Variants in DNAH17 observed in about 807,000 individuals in gnomAD.
DNAH17 encodes axonemal beta dynein heavy chain 17.
DNAH17 carries 376 observed loss-of-function variants against 485.6 expected under a neutral mutation model. The observed-to-expected ratio is 0.77, with a 90% confidence interval of 0.71 to 0.84. The LOEUF (loss-of-function observed/expected upper bound fraction) is 0.84. DNAH17 is among the 40% of genes least tolerant of loss of function. The pLI is 0.00. For synonymous variants in DNAH17, 3,031 were observed against 2,405.9 expected, an observed-to-expected ratio of 1.26 and a Z score of -7.60; for missense variants, 6,370 against 5,839.3, an observed-to-expected ratio of 1.09 and a Z score of -2.96.
chr17:78,474,148 C>T lies in DNAH17; in HGVS notation c.8511+1130G>A, dbSNP rs531761845. Among the ~76,000 whole-genome samples the T allele has an allele frequency of 4.5e-4, 69 of 152,358 alleles. No individual in the cohort carries two copies. In the East Asian group the frequency reaches 0.013, roughly 29 times the overall value. ...TGCAGACACCTCCCACTGCTCCCAG[C>T]ATCACTGGCTCCAGGTCTGCCTGCT... On this transcript the variant is annotated intron_variant, in intron 54 of 80. Coordinates refer to ENST00000389840, the MANE Select transcript of DNAH17 (RefSeq NM_173628.4).
intron 62 of DNAH17, 128 bp from the exon 63 acceptor site, chr17:78,455,964 G>A: frequency 1.3e-6 from 1 of 763,964 alleles, no homozygotes; most frequent in Non-Finnish European, 1.9e-6. Flanking sequence ...GTGGCTCAAT[G>A]ATGAAAATGC....
At chr17:78,543,287 G>GTATTTTTTTTTTTTT (rs1200669389) in intron 17 of DNAH17, among the ~76,000 whole-genome samples, 7 of 139,272 alleles carry the variant, frequency 5.0e-5, no homozygotes, top group African/African-American at 1.6e-4. Context: ...GTTAATTTTT[G>GTATTTTTTTTTTTTT]TTTTTTTTTT....
At chr17:78,430,479 G>C (rs1185443623) in intron 75 of DNAH17, among the ~76,000 whole-genome samples, 1 of 152,212 alleles carries the variant, frequency 6.6e-6, no homozygotes, top group African/African-American at 2.4e-5. Flanking sequence ...CTGGCCGGAA[G>C]AGCTGTCATC....
chr17:78,541,797 C>T (rs1016631543), intron 17 of DNAH17, among the ~76,000 whole-genome samples: 12 of 151,322 alleles, frequency 7.9e-5, no homozygotes, highest in Non-Finnish European at 1.3e-4. Context: ...CTCTCCTGTG[C>T]TCTGTTTCCA....
chr17:78,428,473 G>A, intron 77 of DNAH17, 52 bp downstream of exon 77: 1 of 1,550,700 alleles, frequency 6.4e-7, no homozygotes, highest in Non-Finnish European at 8.7e-7. Flanking sequence ...CCCCTCCTCA[G>A]TTCTAGATCC....
chr17:78,472,952 G>T (rs2088833655), intron 54 of DNAH17, among the ~76,000 whole-genome samples: 1 of 152,142 alleles, frequency 6.6e-6, no homozygotes, highest in Non-Finnish European at 1.5e-5. Context: ...TCGTTTTCTT[G>T]GGACCAAGCC....
chr17:78,434,395 G>A (rs2086792948), intron 74 of DNAH17, among the ~76,000 whole-genome samples, 175 bp from the exon 75 acceptor site: 1 of 152,114 alleles, frequency 6.6e-6, no homozygotes. Flanking sequence ...AAGGAAAGCT[G>A]GGCTGTCATG....
At chr17:78,479,179 C>T in intron 50 of DNAH17, 63 bp from the exon 51 acceptor site, 1 of 1,527,500 alleles carries the variant, frequency 6.5e-7, no homozygotes, top group Admixed American at 1.8e-5. Context: ...AAGTGCAAGC[C>T]TCAAGTTTCT....
At chr17:78,484,373 G>C (rs980923757) in intron 48 of DNAH17, among the ~76,000 whole-genome samples, 4 of 152,000 alleles carry the variant, frequency 2.6e-5, no homozygotes, top group African/African-American at 9.7e-5. Context: ...CTCCCTCTAA[G>C]GTCCCACAGC....
Position 78,506,043 on chromosome 17 carries a change from C to T in DNAH17, c.4804-598G>A, listed in dbSNP as rs188590613. Among the ~76,000 whole-genome samples the T allele has an allele frequency of 3.1e-3, 476 of 152,240 alleles. 2 individuals are homozygous for T. Among genetic ancestry groups the T allele is most frequent in the Middle Eastern group, 6.8e-3 (2 of 294 alleles). ...AGAAGGTTCTGTCCCAGATCCCAAGCCACACACTCAGTCTATTCTTGCATA... is the reference window on the plus strand; with the variant it reads ...AGAAGGTTCTGTCCCAGATCCCAAGTCACACACTCAGTCTATTCTTGCATA... On this transcript the variant is annotated intron_variant, in intron 30 of 80. Coordinates refer to ENST00000389840, the MANE Select transcript of DNAH17 (RefSeq NM_173628.4).
chr17:78,497,101 T>G (rs1289602741), intron 37 of DNAH17: 1 of 152,230 alleles, frequency 6.6e-6, no homozygotes. Context: ...TCTGTCCTGT[T>G]ACTACTCTGG....
chr17:78,551,021 C>T (rs1464039498), intron 16 of DNAH17, among the ~76,000 whole-genome samples: 2 of 152,094 alleles, frequency 1.3e-5, no homozygotes, highest in African/African-American at 4.8e-5. Context: ...GAGTTCAAGA[C>T]CAGCCTGGGC....
At chr17:78,473,400 C>CG (rs2088858128) in intron 54 of DNAH17, among the ~76,000 whole-genome samples, 1 of 151,990 alleles carries the variant, frequency 6.6e-6, no homozygotes, top group South Asian at 2.1e-4. Flanking sequence ...AAAAATTAGA[C>CG]GGGCGTGGTG....
At position 78,466,723 on chromosome 17, in the gene DNAH17, G is replaced by T; in HGVS notation, c.8872C>A (p.His2958Asn). 1 of 1,612,918 alleles carries T rather than the reference G, an allele frequency of 6.2e-7. No homozygotes were observed. Among genetic ancestry groups the T allele is most frequent in the Non-Finnish European group, 8.5e-7 (1 of 1,179,580 alleles). ...ACCAGCGCATCTTCCGGCCACTCGT[G>T]GAACCAGTCGATGGCCGTGCAGTTG... Reference protein sequence around the residue: ...VVNCTAIDWFHEWPEDALVSV... With the variant: ...VVNCTAIDWFNEWPEDALVSV... Residue 2958 changes from histidine (H) to asparagine (N), a missense_variant, in exon 56 of 81, where the codon CAC (histidine) becomes AAC (asparagine). By Grantham distance (68) the His-to-Asn change is moderately conservative. Transcript: ENST00000389840.
chr17:78,559,555 A>T (rs555944147), intron 13 of DNAH17, among the ~76,000 whole-genome samples: 1 of 152,264 alleles, frequency 6.6e-6, no homozygotes, highest in South Asian at 2.1e-4. Context: ...CCCAGCTGTC[A>T]TCTCTTGCCT....
rs562455545 is a variant in DNAH17 at position 78,569,474 on chromosome 17, G to T, written c.1098C>A (p.Ile366=). ...EEVLKGLQGE[I]EEVLSGISLA... is the part of the protein sequence containing the mutation. ...GGGAGATGCCACTCAGGACTTCCTCGATTTCACCTTGCAGGCCCTTCAGCA... is the reference window on the plus strand; with the variant it reads ...GGGAGATGCCACTCAGGACTTCCTCTATTTCACCTTGCAGGCCCTTCAGCA... Residue 366 remains isoleucine (I), a synonymous_variant, in exon 8 of 81, where the codon ATC becomes ATA. Coordinates refer to ENST00000389840, the MANE Select transcript of DNAH17 (RefSeq NM_173628.4). The T allele has an allele frequency of 1.2e-6, 2 of 1,611,286 alleles. No homozygotes were observed. Among genetic ancestry groups the T allele is most frequent in the Middle Eastern group, 1.7e-4 (1 of 6,060 alleles).
chr17:78,495,904 C>A lies in DNAH17; in HGVS notation c.5874G>T (p.Glu1958Asp). ...TMNPGYAGRA[E>D]LPENLKALFR... is the part of the protein sequence containing the mutation. ...ATAAGGCTTTTAGGTTCTCAGGCAG[C>A]TCCGCGCGTCCGGCGTACCCAGGGT... Residue 1958 changes from glutamate to aspartate, a missense_variant, in exon 38 of 81, where the codon GAG becomes GAT. Coordinates refer to ENST00000389840, the MANE Select transcript of DNAH17 (RefSeq NM_173628.4). 6.2e-7 allele frequency: 1 copy of A among 1,613,866 alleles called. No individual in the cohort carries two copies. The highest frequency in any genetic ancestry group is 8.5e-7 in the Non-Finnish European group (1 of 1,179,822).
intron 26 of DNAH17, among the ~76,000 whole-genome samples, chr17:78,512,444 C>T (rs565450167): frequency 8.5e-5 from 13 of 152,330 alleles, no homozygotes; most frequent in African/African-American, 2.9e-4. Flanking sequence ...ATATCTCCTG[C>T]ACTTGGCATT....
rs762030917 is a variant in DNAH17 at position 78,485,028 on chromosome 17, GC to G, written c.7488del (p.Leu2497TrpfsTer28). 6.2e-7 allele frequency: 1 copy of G among 1,608,814 alleles called. No individual in the cohort carries two copies. The highest frequency in any genetic ancestry group is 1.1e-5 in the South Asian group (1 of 90,092). On this transcript the variant is annotated frameshift_variant, in exon 48 of 81. Transcript: ENST00000389840. LOFTEE classifies it high-confidence loss of function. ...GATTTCTTCTCCAGCGGCTTCTCCAGCACCCCTAGAGAGGGCAGAGGGTCAG... is the reference window on the plus strand; with the variant it reads ...GATTTCTTCTCCAGCGGCTTCTCCAGACCCCTAGAGAGGGCAGAGGGTCAG... ...FYTTSAMLQGVLEKPLEKKSG... is the reference protein window; with the variant it reads ...FYTTSAMLQGXLEKPLEKKSG...
Sources: gnomAD v4.1 joint callset for allele counts (sites outside exome capture counted in the v4.1 genomes callset) on GRCh38, gnomAD v4.1.1 for gene constraint, MANE v1.5 for transcripts, NCBI Gene and HGNC (gene_info 2026-07-23, HGNC 2026-07-21) for gene names.